Variants in PER2 observed in about 807,000 individuals in gnomAD.
The protein encoded by PER2 is period circadian regulator 2.
A neutral mutation model predicts 121.0 loss-of-function variants in PER2; 66 were observed. The observed-to-expected ratio is 0.55, with a 90% CI of 0.45 to 0.67. The LOEUF (loss-of-function observed/expected upper bound fraction) is 0.67, where lower values mean the gene tolerates loss of function less well. Among genes scored for constraint, PER2 ranks in the 30% least tolerant of loss-of-function variants. PER2 has a pLI of 0.00. For synonymous variants in PER2, 684 were observed against 659.9 expected (o/e 1.04, Z -0.56); for missense variants, 1,521 against 1,635.0 (o/e 0.93, Z 1.20).
At chr2:238,261,037 G>C (rs913859420) in intron 12 of PER2, 84 bp from the exon 13 acceptor site, 8 of 1,529,328 alleles carry the variant, frequency 5.2e-6, no homozygotes, top group Admixed American at 3.4e-5. Context: ...ACCCTGTTTC[G>C]CAGAGAGGAT....
rs1169653416 is a variant in PER2 at position 238,261,747 on chromosome 2, G to T, written c.1398C>A (p.Ile466=). The T allele has an allele frequency of 3.2e-6, 5 of 1,562,742 alleles. No individual in the cohort carries two copies. In the South Asian group the frequency reaches 4.7e-5, roughly 15 times the overall value. ...CACCCACCTGCAGCAGGAGCCGGTG[G>T]ATCTGCTCTGTGAGCTCCTGAATGC... is the stretch of plus-strand genomic sequence containing the variant. ...HPSIQELTEQ[I]HRLLLQPVPH... is the part of the protein sequence containing the mutation. Residue 466 remains isoleucine (I), a synonymous_variant, in exon 12 of 23, where the codon ATC becomes ATA. Coordinates refer to ENST00000254657, the MANE Select transcript of PER2 (RefSeq NM_022817.3).
intron 8 of PER2, among the ~76,000 whole-genome samples, chr2:238,266,097 G>A (rs992029294): frequency 1.7e-4 from 26 of 151,998 alleles, no homozygotes; most frequent in Non-Finnish European, 3.1e-4. Flanking sequence ...TTGAGGTGGG[G>A]TTTCACCGTG....
chr2:238,254,392 C>G (rs1695699556), intron 18 of PER2: 1 of 153,716 alleles, frequency 6.5e-6, no homozygotes. Context: ...CGCGGAGTGA[C>G]TTGGGGCTCT....
Position 238,271,490 on chromosome 2 carries a change from G to A in PER2, c.594C>T (p.Ser198=), listed in dbSNP as rs760449124. The part of the protein sequence containing the change: ...KNADMFAVAV[S]LVSGKILYIS... Reference sequence around the variant, plus strand: ...TGTACAGGATCTTCCCAGACACCAGGGACACGGCCACCGCAAACATATCCT... The same window carrying A: ...TGTACAGGATCTTCCCAGACACCAGAGACACGGCCACCGCAAACATATCCT... Residue 198 remains serine (S), a synonymous_variant, in exon 6 of 23, where the codon TCC becomes TCT. Coordinates refer to ENST00000254657, the MANE Select transcript of PER2 (RefSeq NM_022817.3). 1.2e-6 allele frequency: 2 copies of A among 1,613,612 alleles called. No individual in the cohort carries two copies. The highest frequency in any genetic ancestry group is 2.2e-5 in the East Asian group (1 of 44,880).
Position 238,262,331 on chromosome 2 carries a change from G to A in PER2, c.1167C>T (p.Gly389=), listed in dbSNP as rs141718870. 12 of 1,613,900 alleles carry A rather than the reference G, an allele frequency of 7.4e-6. No individual in the cohort carries two copies. Among genetic ancestry groups the A allele is most frequent in the Middle Eastern group, 1.6e-4 (1 of 6,084 alleles). The change falls in exon 11 of 23, where the codon GGC becomes GGT. Residue 389 remains glycine (G), a synonymous_variant. Transcript: ENST00000254657. The stretch of plus-strand genomic sequence containing the variant: ...TGGGAGAATAGTCGAAAGGCTGCCC[G>A]CCTGACTGCAGGACTAGGAGAGCAA... The part of the protein sequence containing the change: ...LAIHKKILQS[G]GQPFDYSPIR...
chr2:238,277,105 A>T (rs769303376), intron 3 of PER2, 26 bp downstream of exon 3: 9 of 1,516,084 alleles, frequency 5.9e-6, no homozygotes, highest in South Asian at 1.1e-5. Context: ...TAAAACCTCT[A>T]TGTATGAAGT....
intron 5 of PER2, among the ~76,000 whole-genome samples, chr2:238,271,957 A>G (rs559007606): frequency 6.4e-4 from 98 of 152,158 alleles, no homozygotes; most frequent in African/African-American, 2.1e-3. Context: ...TTCTCCACAC[A>G]CAGAAACATT....
Position 238,245,083 on chromosome 2 carries a change from C to CCCTTTTAAG in PER2, c.*1283_*1291dup, listed in dbSNP as rs559362199. 1.3e-5 allele frequency: 2 copies of CCCTTTTAAG among 149,982 alleles called. No homozygotes were observed. Among genetic ancestry groups the CCCTTTTAAG allele is most frequent in the Non-Finnish European group, 2.9e-5 (2 of 67,814 alleles). 9.3% of individuals were successfully genotyped at this position (149,982 alleles called of 1,614,324 possible). On this transcript the variant is annotated 3_prime_UTR_variant, in exon 23 of 23. Coordinates refer to ENST00000254657, the MANE Select transcript of PER2 (RefSeq NM_022817.3). Reference sequence around the variant, plus strand: ...AAAAAAAAAAAAAGAAAACCCTGGTCCCTTTTAAGCCTCATAGTCTTGGTC... The same window carrying CCCTTTTAAG: ...AAAAAAAAAAAAAGAAAACCCTGGTCCCTTTTAAGCCTTTTAAGCCTCATAGTCTTGGTC...
chr2:238,267,861 T>C lies in PER2; in HGVS notation c.967+195A>G, dbSNP rs572232848. 7.2e-5 allele frequency among the ~76,000 whole-genome samples: 11 copies of C among 152,234 alleles called. No homozygotes were observed. The South Asian group carries it at 2.3e-3, about 32-fold the overall frequency. The stretch of plus-strand genomic sequence containing the variant: ...GGCACCCAGATGCCGTGATCTGCCA[T>C]GGGCAGGGCCGGATGACAAGCAGGG... On this transcript the variant is annotated intron_variant, in intron 8 of 22. Coordinates refer to ENST00000254657, the MANE Select transcript of PER2 (RefSeq NM_022817.3).
rs1363754776 is a variant in PER2 at position 238,260,803 on chromosome 2, T to G, written c.1542+25A>C. The stretch of plus-strand genomic sequence containing the variant: ...GAGGGACATCCACAAACTCATTTTC[T>G]CAGGGAGAATGGAAGGAGACGTACG... On this transcript the variant is annotated intron_variant, in intron 13 of 22. Transcript: ENST00000254657. The G allele has an allele frequency of 5.6e-6, 9 of 1,613,806 alleles. 1 individual carries two copies. In the Middle Eastern group the frequency reaches 8.2e-4, roughly 147 times the overall value.
rs1696860994 is a variant in PER2, at chr2:238,288,528, G to A, written c.-199C>T. ...CAAGCCGAGGAGTCCAGCAGCCCAA[G>A]GAACTTCCGGCGGCGCCTCCGCTGC... On this transcript the variant is annotated 5_prime_UTR_variant, in exon 1 of 23. Coordinates refer to ENST00000254657, the MANE Select transcript of PER2 (RefSeq NM_022817.3). 1.3e-5 allele frequency: 2 copies of A among 152,052 alleles called. No homozygotes were observed. Among genetic ancestry groups the A allele is most frequent in the Admixed American group, 1.3e-4 (2 of 15,280 alleles). The allele number at this position is 152,052 out of a possible 1,614,324, so 9.4% of individuals were successfully genotyped here. A position where few individuals can be genotyped will look rare whatever the true frequency, so the allele number is the denominator to read the frequency against.
At chr2:238,265,364 G>T (rs769168782) in intron 9 of PER2, 148 bp downstream of exon 9, 2 of 642,390 alleles carry the variant, frequency 3.1e-6, no homozygotes, top group Non-Finnish European at 5.7e-6. Context: ...AGTTTTCAGT[G>T]TAATTCCATA....
chr2:238,268,032 C>T lies in PER2; in HGVS notation c.967+24G>A, dbSNP rs202041559. 2 of 1,612,844 alleles carry T rather than the reference C, an allele frequency of 1.2e-6. No homozygotes were observed. The highest frequency in any genetic ancestry group is 2.2e-5 in the East Asian group (1 of 44,872). On this transcript the variant is annotated intron_variant, in intron 8 of 22. Transcript: ENST00000254657. The surrounding 1 kb of genome is among the most constrained non-coding windows in gnomAD (Gnocchi z 4.0). ...AGGGGGAGCCAGAGACAACATCTGC[C>T]CTCGCCCTGGGCTTGGCTGTTACCT...
At chr2:238,270,691 C>A (rs1696257651) in intron 6 of PER2, among the ~76,000 whole-genome samples, 1 of 152,184 alleles carries the variant, frequency 6.6e-6, no homozygotes. Context: ...TAGACCAGAC[C>A]CGGCTGGGAG....
rs1695634701 is a variant in PER2, at chr2:238,252,525, C to CG, written c.3111+386dup. 6.6e-6 allele frequency among the ~76,000 whole-genome samples: 1 copy of CG among 152,226 alleles called. No individual in the cohort carries two copies. ...TGTCCCCCTCCTTCTCCGCCTTCAC[C>CG]GGGGCCACCTGAGCCAGGCTCCGGC... On this transcript the variant is annotated intron_variant, in intron 19 of 22. Transcript: ENST00000254657. This position sits in a 1 kb window ranked among gnomAD's most constrained non-coding sequence, Gnocchi z 4.2.
intron 9 of PER2, among the ~76,000 whole-genome samples, chr2:238,265,168 T>C (rs1168829621): frequency 1.3e-5 from 2 of 152,202 alleles, no homozygotes; most frequent in Admixed American, 6.5e-5. Flanking sequence ...GGCTGGAAGA[T>C]AGACTTCTGC....
intron 1 of PER2, among the ~76,000 whole-genome samples, 160 bp downstream of exon 1, chr2:238,288,189 C>G (rs1696845761): frequency 1.3e-5 from 2 of 152,218 alleles, no homozygotes; most frequent in East Asian, 1.9e-4. Context: ...AGTCAGCTCC[C>G]CGAGGGTCCT....
rs187006920 is a variant in PER2 at position 238,275,598 on chromosome 2, G to A, written c.448+145C>T. On this transcript the variant is annotated intron_variant, in intron 4 of 22. Coordinates refer to ENST00000254657, the MANE Select transcript of PER2 (RefSeq NM_022817.3). ...CAGCTACTCAGGAGGCTGTGGCAGCGGAATCGCTTAAGCCCAGAAGTCAAG... is the reference window on the plus strand; with the variant it reads ...CAGCTACTCAGGAGGCTGTGGCAGCAGAATCGCTTAAGCCCAGAAGTCAAG... 2.5e-3 allele frequency: 2,109 copies of A among 855,296 alleles called. 2 individuals carry two copies. Among genetic ancestry groups the A allele is most frequent in the African/African-American group, 3.6e-3 (220 of 60,658 alleles). 53.0% of individuals were successfully genotyped at this position (855,296 alleles called of 1,614,324 possible).
upstream of PER2, among the ~76,000 whole-genome samples, chr2:238,291,292 C>A (rs773886483): frequency 2.6e-5 from 4 of 152,246 alleles, no homozygotes; most frequent in Non-Finnish European, 5.9e-5. Flanking sequence ...GTAAGCCTGG[C>A]CCAAGTTGGC....
Sources: allele counts gnomAD v4.1 joint callset (sites outside exome capture counted in the v4.1 genomes callset), GRCh38; gene constraint gnomAD v4.1.1; non-coding constraint Gnocchi (gnomAD v3.1); transcripts MANE v1.5; gene names NCBI Gene and HGNC (gene_info 2026-07-23, HGNC 2026-07-21).